Variants in LSAMP observed in about 807,000 individuals in gnomAD.
The protein encoded by LSAMP is limbic system associated membrane protein.
In LSAMP, 7 loss-of-function variants were observed where a neutral mutation model predicts 38.6. The ratio of observed to expected loss-of-function variants is 0.18; its 90% CI spans 0.10 to 0.34. The LOEUF (loss-of-function observed/expected upper bound fraction) is 0.34, where lower values mean the gene tolerates loss of function less well. Among genes scored for constraint, LSAMP ranks in the 10% least tolerant of loss-of-function variants. The pLI, the probability that LSAMP is intolerant of heterozygous loss-of-function variation, is 1.00. For missense variants in LSAMP, 313 were observed against 420.0 expected (o/e 0.75, Z 2.23); for synonymous variants, 154 against 166.8 (o/e 0.92, Z 0.59).
chr3:116,147,867 A>C, intron 1 of LSAMP, among the ~76,000 whole-genome samples: 1 of 151,912 alleles, frequency 6.6e-6, no homozygotes. Flanking sequence ...TCCTTTACCC[A>C]GCTGACAATT....
intron 1 of LSAMP, among the ~76,000 whole-genome samples, chr3:116,372,959 A>G (rs1214342003): frequency 2.0e-5 from 3 of 151,324 alleles, no homozygotes; most frequent in Non-Finnish European, 4.4e-5. Context: ...AATGGTACAG[A>G]TGTTGTGGAA....
chr3:115,977,475 C>T (rs1939223082), intron 3 of LSAMP, among the ~76,000 whole-genome samples: 1 of 152,170 alleles, frequency 6.6e-6, no homozygotes, highest in Non-Finnish European at 1.5e-5. Flanking sequence ...ACCATAGGTT[C>T]CTGCCAGACA....
At chr3:115,869,930 T>C (rs1935979450) in intron 3 of LSAMP, among the ~76,000 whole-genome samples, 1 of 152,084 alleles carries the variant, frequency 6.6e-6, no homozygotes, top group South Asian at 2.1e-4. Context: ...AGGAGCATTA[T>C]AGAGCAGGGC....
At chr3:116,209,585 G>A (rs1288204426) in intron 1 of LSAMP, among the ~76,000 whole-genome samples, 1 of 152,132 alleles carries the variant, frequency 6.6e-6, no homozygotes, top group African/African-American at 2.4e-5. Context: ...ATGTGTGTAT[G>A]TTTGTATGTG....
chr3:116,114,887 C>A (rs1048293120), intron 1 of LSAMP, among the ~76,000 whole-genome samples: 1 of 152,190 alleles, frequency 6.6e-6, no homozygotes, highest in Non-Finnish European at 1.5e-5. Flanking sequence ...CTACATTTTA[C>A]AATGTTTTCC....
At chr3:116,340,520 A>T (rs1430983154) in intron 1 of LSAMP, among the ~76,000 whole-genome samples, 1 of 152,030 alleles carries the variant, frequency 6.6e-6, no homozygotes, top group Non-Finnish European at 1.5e-5. Flanking sequence ...TAAACAGATG[A>T]GATATTTTAT....
intron 1 of LSAMP, among the ~76,000 whole-genome samples, chr3:116,143,494 T>C (rs1234675648): frequency 6.6e-6 from 1 of 151,984 alleles, no homozygotes; most frequent in Admixed American, 6.6e-5. Context: ...AAAGGGTAGA[T>C]GTTTGAGGGG....
chr3:116,445,037 C>A lies in LSAMP; in HGVS notation c.-6G>T. ...GGCTGAACTCTCCTGACCATGGTGGCCACGCCGAGGTGCGGGTCCGCGGGG... is the reference window on the plus strand; with the variant it reads ...GGCTGAACTCTCCTGACCATGGTGGACACGCCGAGGTGCGGGTCCGCGGGG... On this transcript the variant is annotated 5_prime_UTR_variant, in exon 1 of 7. Coordinates refer to ENST00000490035, the MANE Select transcript of LSAMP (RefSeq NM_002338.5). 2 of 1,608,574 alleles carry A rather than the reference C, an allele frequency of 1.2e-6. No homozygotes were observed. Among genetic ancestry groups the A allele is most frequent in the Non-Finnish European group, 1.7e-6 (2 of 1,176,148 alleles).
chr3:115,887,686 C>T (rs1311328647), intron 3 of LSAMP, among the ~76,000 whole-genome samples: 1 of 151,838 alleles, frequency 6.6e-6, no homozygotes, highest in African/African-American at 2.4e-5. Flanking sequence ...GCCACCCTGT[C>T]ATTTAATGAA....
rs1213636874 is a variant in LSAMP at position 115,842,105 on chromosome 3, G to A, written c.771-112C>T. The A allele has an allele frequency of 5.3e-6, 6 of 1,139,832 alleles. No individual in the cohort carries two copies. The Admixed American group carries it at 9.7e-5, about 18-fold the overall frequency. 70.6% of individuals were successfully genotyped at this position (1,139,832 alleles called of 1,614,324 possible). On this transcript the variant is annotated intron_variant, in intron 5 of 6. Transcript: ENST00000490035. ...AAAGGAGAGAAAGGAAGTAGCTAGAGTTTGTTGTTCCATGCCCAATTCCTA... is the reference window on the plus strand; with the variant it reads ...AAAGGAGAGAAAGGAAGTAGCTAGAATTTGTTGTTCCATGCCCAATTCCTA...
chr3:116,191,094 G>A (rs551939635), intron 1 of LSAMP, among the ~76,000 whole-genome samples: 28 of 152,214 alleles, frequency 1.8e-4, no homozygotes, highest in South Asian at 4.1e-4. Flanking sequence ...GTGGTGACTC[G>A]TGCCTGTAGT....
At chr3:116,444,830 A>T (rs2049486567) in intron 1 of LSAMP, 47 bp downstream of exon 1, 2 of 1,611,222 alleles carry the variant, frequency 1.2e-6, no homozygotes, top group Non-Finnish European at 1.7e-6. Flanking sequence ...ACACACACAC[A>T]CACACGTGTA....
chr3:115,908,050 A>C lies in LSAMP; in HGVS notation c.515-55433T>G, dbSNP rs1180114592. Among the ~76,000 whole-genome samples the C allele has an allele frequency of 2.0e-5, 3 of 152,014 alleles. No individual in the cohort carries two copies. The East Asian group carries it at 5.8e-4, about 29-fold the overall frequency. On this transcript the variant is annotated intron_variant, in intron 3 of 6. Coordinates refer to ENST00000490035, the MANE Select transcript of LSAMP (RefSeq NM_002338.5). ...GGGGAGATTTGAGCCCAATGTATGA[A>C]ATCCTGGTGTTTGACCATACAGGGA...
intron 1 of LSAMP, among the ~76,000 whole-genome samples, chr3:116,305,475 T>C (rs2047469099): frequency 6.6e-6 from 1 of 152,020 alleles, no homozygotes; most frequent in Non-Finnish European, 1.5e-5. Context: ...ACCTCTAGTC[T>C]CATTTTCCAT....
intron 2 of LSAMP, among the ~76,000 whole-genome samples, chr3:116,040,221 T>C (rs924270598): frequency 6.6e-6 from 1 of 152,170 alleles, no homozygotes; most frequent in African/African-American, 2.4e-5. Flanking sequence ...AGTATTTCTA[T>C]AGATGGAAGA....
At chr3:116,366,476 G>T (rs1365520054) in intron 1 of LSAMP, among the ~76,000 whole-genome samples, 2 of 152,044 alleles carry the variant, frequency 1.3e-5, no homozygotes, top group East Asian at 3.9e-4. Flanking sequence ...TACTTTTAAT[G>T]GCCATCCATT....
chr3:115,982,588 A>G (rs890632563), intron 3 of LSAMP, among the ~76,000 whole-genome samples: 1 of 152,120 alleles, frequency 6.6e-6, no homozygotes, highest in Non-Finnish European at 1.5e-5. Flanking sequence ...CTCTGTGACT[A>G]GTTTCTCAGG....
At chr3:116,164,578 T>TATATATATATATAATCCAA (rs1576404192) in intron 1 of LSAMP, among the ~76,000 whole-genome samples, 2 of 98,592 alleles carry the variant, frequency 2.0e-5, no homozygotes, top group African/African-American at 3.6e-5. Flanking sequence ...TCCAAATATA[T>TATATATATATATAATCCAA]ATATATATAT....
intron 1 of LSAMP, among the ~76,000 whole-genome samples, chr3:116,342,713 A>T (rs1315924432): frequency 1.3e-5 from 2 of 152,104 alleles, no homozygotes; most frequent in Non-Finnish European, 2.9e-5. Flanking sequence ...GGGGTTTTCC[A>T]TTAAAACCTC....
Sources: allele counts gnomAD v4.1 joint callset (sites outside exome capture counted in the v4.1 genomes callset), GRCh38; gene constraint gnomAD v4.1.1; transcripts MANE v1.5; gene names NCBI Gene and HGNC (gene_info 2026-07-23, HGNC 2026-07-21).